TF: variants seen among roughly 807,000 people sequenced by gnomAD.
TF encodes transferrin, also known as serotransferrin.
In TF, 55 loss-of-function variants were observed where a neutral mutation model predicts 82.4. That is an observed-to-expected ratio of 0.67 (90% confidence interval 0.54 to 0.84). TF has a LOEUF of 0.84. TF is among the 40% of genes least tolerant of loss of function. TF has a pLI of 0.00. For synonymous variants in TF, 332 were observed against 332.6 expected (o/e 1.00, Z 0.02); for missense variants, 737 against 868.4 (o/e 0.85, Z 1.90).
At chr3:133,753,300 C>T (rs901705056) in intron 2 of TF, among the ~76,000 whole-genome samples, 1 of 152,190 alleles carries the variant, frequency 6.6e-6, no homozygotes, top group African/African-American at 2.4e-5. Context: ...GTTAAGCCTT[C>T]GTAATTGCCT....
chr3:133,668,555 T>A, the TF span, among the ~76,000 whole-genome samples: 6 of 152,112 alleles, frequency 3.9e-5, no homozygotes, highest in Non-Finnish European at 7.3e-5. Context: ...TGTTTGTGCC[T>A]CCCCATTCCC....
the TF span, among the ~76,000 whole-genome samples, chr3:133,705,499 C>T: frequency 6.6e-6 from 1 of 152,184 alleles, no homozygotes; most frequent in African/African-American, 2.4e-5. Context: ...ATGAGCACCT[C>T]CACTTTCTTT....
chr3:133,715,840 A>G, the TF span, among the ~76,000 whole-genome samples: 1 of 152,168 alleles, frequency 6.6e-6, no homozygotes, highest in Non-Finnish European at 1.5e-5. Context: ...CACTGTGGAG[A>G]TGAAACTATA....
upstream of TF, chr3:133,746,336 C>A: frequency 7.3e-7 from 1 of 1,374,940 alleles, no homozygotes; most frequent in Non-Finnish European, 1.0e-6. Context: ...TCAAAGATTG[C>A]GCCCAGCCCG....
chr3:133,699,681 G>T, the TF span: 1 of 457,332 alleles, frequency 2.2e-6, no homozygotes, highest in South Asian at 1.6e-5. Flanking sequence ...GATTTGGAGG[G>T]AGGTTAACTT....
At chr3:133,750,498 C>T (rs1933630025) in intron 2 of TF, among the ~76,000 whole-genome samples, 2 of 152,084 alleles carry the variant, frequency 1.3e-5, no homozygotes, top group Non-Finnish European at 2.9e-5. Context: ...TTCCCTCCAG[C>T]CTTCTCTCTG....
the TF span, among the ~76,000 whole-genome samples, chr3:133,729,598 C>T: frequency 1.5e-4 from 23 of 152,308 alleles, no homozygotes; most frequent in African/African-American, 4.8e-4. Context: ...ACTCCCTGAC[C>T]CCTTGCACTT....
the TF span, among the ~76,000 whole-genome samples, chr3:133,730,566 C>A: frequency 3.9e-5 from 6 of 152,182 alleles, no homozygotes; most frequent in Non-Finnish European, 8.8e-5. Context: ...AGGGGTCTTT[C>A]AATGGCACTG....
intron 2 of TF, among the ~76,000 whole-genome samples, chr3:133,751,637 G>A (rs1933670904): frequency 1.3e-5 from 2 of 152,186 alleles, no homozygotes; most frequent in African/African-American, 4.8e-5. Context: ...ATGGATAGAT[G>A]TGATGGCTAT....
the TF span, among the ~76,000 whole-genome samples, chr3:133,662,605 C>A: frequency 6.6e-6 from 1 of 152,160 alleles, no homozygotes; most frequent in African/African-American, 2.4e-5. Flanking sequence ...TGCCTCAGTA[C>A]TGGGGAGATT....
chr3:133,664,410 C>A, the TF span, among the ~76,000 whole-genome samples: 99 of 152,246 alleles, frequency 6.5e-4, 1 homozygote, highest in African/African-American at 2.1e-3. Flanking sequence ...GCAACCTCCA[C>A]CCCCGGGGTT....
the TF span, among the ~76,000 whole-genome samples, chr3:133,689,320 C>A: frequency 5.2e-4 from 78 of 151,414 alleles, no homozygotes; most frequent in Middle Eastern, 3.4e-3. Flanking sequence ...CGAGACTCTG[C>A]GTCAAAATAA....
At chr3:133,710,565 CAG>C in the TF span, among the ~76,000 whole-genome samples, 1 of 152,198 alleles carries the variant, frequency 6.6e-6, no homozygotes, top group Non-Finnish European at 1.5e-5. Context: ...AAGAAACCAT[CAG>C]AGAAGTTTCT....
At position 133,766,453 on chromosome 3, in the gene TF, G is replaced by C; in HGVS notation, c.1486+20G>C. 6.2e-7 allele frequency: 1 copy of C among 1,613,992 alleles called. No individual in the cohort carries two copies. Among genetic ancestry groups the C allele is most frequent in the Non-Finnish European group, 8.5e-7 (1 of 1,179,918 alleles). Reference sequence around the variant, plus strand: ...GATTTGGTGAGTGAATATTGGGAAGGAGGGCTGGTGAGGGCCATGCCAGAA... The same window carrying C: ...GATTTGGTGAGTGAATATTGGGAAGCAGGGCTGGTGAGGGCCATGCCAGAA... On this transcript the variant is annotated intron_variant, in intron 12 of 16. Coordinates refer to ENST00000402696, the MANE Select transcript of TF (RefSeq NM_001063.4).
At chr3:133,724,724 C>T in the TF span, among the ~76,000 whole-genome samples, 2 of 152,164 alleles carry the variant, frequency 1.3e-5, no homozygotes, top group Non-Finnish European at 2.9e-5. Flanking sequence ...ACATGAAGTC[C>T]TTGCCCATGC....
intron 14 of TF, chr3:133,774,892 A>G (rs1163681129): frequency 8.5e-6 from 3 of 354,588 alleles, no homozygotes; most frequent in Admixed American, 3.5e-5. Flanking sequence ...CAATACAGAA[A>G]AGAAGAGGCA....
the TF span, among the ~76,000 whole-genome samples, chr3:133,689,681 A>G: frequency 6.6e-6 from 1 of 152,202 alleles, no homozygotes; most frequent in African/African-American, 2.4e-5. Context: ...ACTGGCACAT[A>G]TATAGAAGAC....
chr3:133,791,553 A>G lies in TF; in HGVS notation c.*12933A>G, dbSNP rs1300573794. 1 of 152,224 alleles carries G rather than the reference A, an allele frequency of 6.6e-6. No individual in the cohort carries two copies. The highest frequency in any genetic ancestry group is 2.4e-5 in the African/African-American group (1 of 41,458). 9.4% of individuals were successfully genotyped at this position (152,224 alleles called of 1,614,324 possible). ...CTGTAAAGTTTTGATTAATATAAAA[A>G]AAGAATTCTGAGGCCGATCTTAAGC... is the stretch of plus-strand genomic sequence containing the variant. On this transcript the variant is annotated 3_prime_UTR_variant, in exon 17 of 17. Transcript: ENST00000402696.
At chr3:133,759,767 G>A (rs1455459650) in intron 9 of TF, among the ~76,000 whole-genome samples, 1 of 152,164 alleles carries the variant, frequency 6.6e-6, no homozygotes, top group African/African-American at 2.4e-5. Flanking sequence ...GAGGCAGGAG[G>A]ATTGCTTGAG....
Sources: allele counts gnomAD v4.1 joint callset (sites outside exome capture counted in the v4.1 genomes callset), GRCh38; gene constraint gnomAD v4.1.1; transcripts MANE v1.5; gene names NCBI Gene and HGNC (gene_info 2026-07-23, HGNC 2026-07-21).